The following DRC4 variants were observed in gnomAD, a reference collection of about 807,000 sequenced individuals.
The protein encoded by DRC4 is dynein regulatory complex subunit 4.
At chr16:90,037,899 GGTTCACCAA>G in the DRC4 span, 2 of 1,514,520 alleles carry the variant, frequency 1.3e-6, no homozygotes, top group Non-Finnish European at 1.8e-6. Context: ...TTAGAGCAAC[GGTTCACCAA>G]GTTCACCAAG....
At chr16:90,034,541 G>C in the DRC4 span, among the ~76,000 whole-genome samples, 1 of 152,078 alleles carries the variant, frequency 6.6e-6, no homozygotes, top group Non-Finnish European at 1.5e-5. Context: ...AGAATCACTT[G>C]AACCTGGGAG....
At chr16:90,043,689 C>T in the DRC4 span, 124 of 514,128 alleles carry the variant, frequency 2.4e-4, no homozygotes, top group Non-Finnish European at 4.0e-4. Flanking sequence ...CCTGTCTTCG[C>T]GCCACTGTTG....
chr16:90,027,761 G>A, the DRC4 span: 194,570 of 1,566,834 alleles, frequency 0.12, 22,209 homozygotes, highest in East Asian at 0.65. Context: ...CCGGGTGGGC[G>A]TGGGCGGGCA....
the DRC4 span, chr16:90,043,351 C>G: frequency 5.0e-6 from 8 of 1,603,820 alleles, no homozygotes; most frequent in African/African-American, 1.3e-5. Flanking sequence ...CGTAGCTGCC[C>G]CCCTGGGGGG....
At chr16:90,040,458 T>C in the DRC4 span, 2 of 1,610,716 alleles carry the variant, frequency 1.2e-6, no homozygotes, top group Non-Finnish European at 1.7e-6. Context: ...AGGTCCTGGC[T>C]GCCTCTAACC....
At chr16:90,036,508 C>A in the DRC4 span, 2 of 1,613,730 alleles carry the variant, frequency 1.2e-6, no homozygotes, top group East Asian at 2.2e-5. Flanking sequence ...TGCAGCGCCA[C>A]GAGGAGGCCT....
the DRC4 span, chr16:90,042,946 G>A: frequency 1.9e-6 from 1 of 536,578 alleles, no homozygotes. Flanking sequence ...TGCCCTGAGT[G>A]TCCCTGCCCT....
the DRC4 span, chr16:90,031,300 T>G: frequency 6.2e-7 from 1 of 1,612,044 alleles, no homozygotes; most frequent in Non-Finnish European, 8.5e-7. Context: ...CCTGGCCAGG[T>G]GGAGGAGCAT....
At chr16:90,035,581 G>A in the DRC4 span, 26 of 1,611,256 alleles carry the variant, frequency 1.6e-5, no homozygotes, top group African/African-American at 5.3e-5. Flanking sequence ...TGAAGGGAGC[G>A]GGCTTCCCTC....
At chr16:90,022,681 C>G in the DRC4 span, 1 of 1,421,812 alleles carries the variant, frequency 7.0e-7, no homozygotes, top group South Asian at 1.4e-5. Flanking sequence ...GGGGCGGGCG[C>G]CCTGGTCCCG....
At chr16:90,025,649 CAAAAAAAAA>C in the DRC4 span, among the ~76,000 whole-genome samples, 1 of 45,928 alleles carries the variant, frequency 2.2e-5, no homozygotes, top group African/African-American at 9.7e-5. Flanking sequence ...GACTCTGTCT[CAAAAAAAAA>C]AAAAAAAAAA....
chr16:90,035,618 C>T, the DRC4 span: 3 of 1,614,174 alleles, frequency 1.9e-6, no homozygotes, highest in Non-Finnish European at 2.5e-6. Flanking sequence ...GTAATGGCCG[C>T]TTCTCCCTGT....
chr16:90,037,132 C>G, the DRC4 span: 3 of 1,234,254 alleles, frequency 2.4e-6, no homozygotes, highest in South Asian at 3.1e-5. Context: ...CTGGCAGCAG[C>G]TGGTGATGGG....
the DRC4 span, among the ~76,000 whole-genome samples, chr16:90,026,896 CTTT>C: frequency 5.6e-5 from 8 of 142,466 alleles, no homozygotes; most frequent in African/African-American, 7.7e-5. Flanking sequence ...CCTCTCTTTT[CTTT>C]TTTTTTTTTT....
the DRC4 span, among the ~76,000 whole-genome samples, chr16:90,026,952 G>C: frequency 6.0e-5 from 9 of 149,810 alleles, no homozygotes; most frequent in Non-Finnish European, 1.2e-4. Context: ...TCACTTTGTT[G>C]CCCAGGCTGG....
At chr16:90,027,326 G>A in the DRC4 span, among the ~76,000 whole-genome samples, 1 of 151,636 alleles carries the variant, frequency 6.6e-6, no homozygotes, top group Non-Finnish European at 1.5e-5. Context: ...CTGACCTCGT[G>A]ATCCGTCCAC....
the DRC4 span, among the ~76,000 whole-genome samples, chr16:90,038,725 C>T: frequency 6.6e-6 from 1 of 152,154 alleles, no homozygotes; most frequent in Non-Finnish European, 1.5e-5. Flanking sequence ...GCAGAAGTGA[C>T]TGGGTGGAAA....
At chr16:90,031,317 C>T in the DRC4 span, 34 of 1,612,808 alleles carry the variant, frequency 2.1e-5, 1 homozygote, top group African/African-American at 1.1e-4. Context: ...GCATGTCAGC[C>T]GCATCCGGGA....
At chr16:90,034,479 G>A in the DRC4 span, among the ~76,000 whole-genome samples, 1 of 151,942 alleles carries the variant, frequency 6.6e-6, no homozygotes, top group South Asian at 2.1e-4. Context: ...AAAATTAGCC[G>A]GGCGTGGTGG....
Sources: gnomAD v4.1 joint callset for allele counts (sites outside exome capture counted in the v4.1 genomes callset) on GRCh38, gnomAD v4.1.1 for gene constraint, MANE v1.5 for transcripts, NCBI Gene and HGNC (gene_info 2026-07-23, HGNC 2026-07-21) for gene names.